ANKRD26: variants seen among roughly 807,000 people sequenced by gnomAD.
ANKRD26 encodes the protein ankyrin repeat domain-containing protein 26.
ANKRD26 carries 141 observed loss-of-function variants against 208.7 expected under a neutral mutation model. That is an observed-to-expected ratio of 0.68 (90% CI 0.59 to 0.78). ANKRD26 has a LOEUF of 0.78. ANKRD26 is among the 30% of genes least tolerant of loss of function. ANKRD26 has a pLI of 0.00. For synonymous variants in ANKRD26, 636 were observed against 660.4 expected, an observed-to-expected ratio of 0.96 and a Z score of 0.57; for missense variants, 1,889 against 1,938.7, an observed-to-expected ratio of 0.97 and a Z score of 0.48.
Position 27,084,218 on chromosome 10 carries a change from C to CAAAAAAAAAAAAAAAAAAAAA in ANKRD26, c.710-1386_710-1385insTTTTTTTTTTTTTTTTTTTTT, listed in dbSNP as rs1275450082. The stretch of plus-strand genomic sequence containing the variant: ...GGGCAACAAGAGCAAAACTACATCT[C>CAAAAAAAAAAAAAAAAAAAAA]AAAAAAAAAAAAAAAAAGAAAAAAG... On this transcript the variant is annotated intron_variant, in intron 5 of 33. Transcript: ENST00000376087. Among the ~76,000 whole-genome samples, 2 of 82,454 alleles carry CAAAAAAAAAAAAAAAAAAAAA rather than the reference C, an allele frequency of 2.4e-5. 1 individual carries two copies. The highest frequency in any genetic ancestry group is 7.3e-5 in the African/African-American group (2 of 27,350). 54.1% of individuals were successfully genotyped at this position (82,454 alleles called of 152,430 possible).
intron 4 of ANKRD26, among the ~76,000 whole-genome samples, chr10:27,090,217 G>A (rs1266088947): frequency 2.6e-5 from 4 of 152,006 alleles, no homozygotes; most frequent in Non-Finnish European, 5.9e-5. Flanking sequence ...AGGCCAAAGC[G>A]GGTGGATCAC....
At chr10:27,000,826 A>G (rs1256683115), downstream of ANKRD26, among the ~76,000 whole-genome samples, 1 of 152,058 alleles carries the variant, frequency 6.6e-6, no homozygotes, top group Non-Finnish European at 1.5e-5. Flanking sequence ...TAATGTGATG[A>G]AACCTCGTTT....
the ANKRD26 span, among the ~76,000 whole-genome samples, chr10:26,954,624 G>T: frequency 6.6e-6 from 1 of 151,918 alleles, no homozygotes; most frequent in South Asian, 2.1e-4. Context: ...CAATAAATCT[G>T]TATCCAGAAA....
intron 31 of ANKRD26, 46 bp from the exon 32 acceptor site, chr10:27,013,156 T>A: frequency 2.6e-6 from 4 of 1,537,382 alleles, no homozygotes; most frequent in Non-Finnish European, 3.6e-6. Context: ...TACTTTTCCC[T>A]AAATGATTCC....
chr10:27,014,828 T>C, intron 30 of ANKRD26, 117 bp from the exon 31 acceptor site: 1 of 784,628 alleles, frequency 1.3e-6, no homozygotes, highest in East Asian at 2.7e-5. Flanking sequence ...AAGAGAAAGA[T>C]CTCTGTGCCA....
Position 27,039,960 on chromosome 10 carries a change from C to T in ANKRD26, c.2375+5G>A. ...AAACATTTCTTTAAAACTAGGCTAT[C>T]ATACCTCAAAGAGCACAGTTCTCGT... On this transcript the variant is annotated splice_donor_5th_base_variant and intron_variant, in intron 21 of 33. Coordinates refer to ENST00000376087, the MANE Select transcript of ANKRD26 (RefSeq NM_014915.3). The T allele has an allele frequency of 6.2e-7, 1 of 1,611,360 alleles. No individual in the cohort carries two copies. Among genetic ancestry groups the T allele is most frequent in the South Asian group, 1.1e-5 (1 of 90,990 alleles).
intron 7 of ANKRD26, among the ~76,000 whole-genome samples, chr10:27,078,601 A>G (rs1364798424): frequency 6.6e-6 from 1 of 152,180 alleles, no homozygotes; most frequent in Non-Finnish European, 1.5e-5. Flanking sequence ...ATTTACAACC[A>G]GTTTTTTAAA....
At chr10:26,984,162 T>C (rs191559337) in intron 3 of ANKRD26, among the ~76,000 whole-genome samples, 1 of 152,312 alleles carries the variant, frequency 6.6e-6, no homozygotes, top group African/African-American at 2.4e-5. Context: ...ATAAACCAGG[T>C]GCTGGGTTCT....
chr10:26,967,559 A>G, the ANKRD26 span, among the ~76,000 whole-genome samples: 4 of 152,154 alleles, frequency 2.6e-5, no homozygotes, highest in African/African-American at 9.7e-5. Flanking sequence ...TCTCTCCTAC[A>G]TTCCAAAAAC....
chr10:27,077,463 C>G lies in ANKRD26; in HGVS notation c.952G>C (p.Val318Leu). The G allele has an allele frequency of 6.2e-7, 1 of 1,614,110 alleles. No homozygotes were observed. The highest frequency in any genetic ancestry group is 1.1e-5 in the South Asian group (1 of 91,086). Residue 318 changes from valine to leucine, a missense_variant, in exon 9 of 34, where the codon GTT becomes CTT. This residue lies in a region of ANKRD26 where 1,272 missense variants were observed against 1,273.8 expected (regional missense o/e 1.00). Coordinates refer to ENST00000376087, the MANE Select transcript of ANKRD26 (RefSeq NM_014915.3). ...GTTGTAGGAAGGCTTTCAACCACAA[C>G]TTCATCTTGACTATCGGAATCTCTA... is the stretch of plus-strand genomic sequence containing the variant. ...EDRDSDSQDEVVVESLPTTSI... is the reference protein window; with the variant it reads ...EDRDSDSQDELVVESLPTTSI...
chr10:27,040,123 T>C lies in ANKRD26; in HGVS notation c.2217A>G (p.Leu739=). The change falls in exon 21 of 34, where the codon TTA becomes TTG. Residue 739 remains leucine, a synonymous_variant. Coordinates refer to ENST00000376087, the MANE Select transcript of ANKRD26 (RefSeq NM_014915.3). ...QDAALSCERL[L]ELKKNHCELL... The stretch of plus-strand genomic sequence containing the variant: ...GTTCACAGTGATTTTTTTTAAGTTC[T>C]AATAATCTTTCACATGAAAGAGCTG... The C allele has an allele frequency of 6.2e-7, 1 of 1,613,122 alleles. No homozygotes were observed. The highest frequency in any genetic ancestry group is 1.3e-5 in the African/African-American group (1 of 75,016).
At chr10:26,995,495 A>C (rs1223637258) in intron 4 of ANKRD26, among the ~76,000 whole-genome samples, 1 of 152,226 alleles carries the variant, frequency 6.6e-6, no homozygotes, top group Non-Finnish European at 1.5e-5. Context: ...TGCTAAAAAA[A>C]GGAAGGCAGA....
chr10:27,012,564 C>G (rs2053150808), intron 32 of ANKRD26, among the ~76,000 whole-genome samples: 1 of 152,070 alleles, frequency 6.6e-6, no homozygotes, highest in Non-Finnish European at 1.5e-5. Context: ...CCTGTAACCC[C>G]AGCACTTCGG....
chr10:27,025,990 T>A (rs1156249501), intron 27 of ANKRD26, among the ~76,000 whole-genome samples: 1 of 152,256 alleles, frequency 6.6e-6, no homozygotes, highest in African/African-American at 2.4e-5. Context: ...TCATCTTGTG[T>A]GGGCACACTC....
chr10:26,984,807 G>C (rs2052359205), intron 3 of ANKRD26, among the ~76,000 whole-genome samples: 2 of 152,146 alleles, frequency 1.3e-5, no homozygotes, highest in Admixed American at 1.3e-4. Context: ...AGGAGTTCTA[G>C]GCCAGGACAG....
chr10:26,950,535 C>G, the ANKRD26 span, among the ~76,000 whole-genome samples: 1 of 152,266 alleles, frequency 6.6e-6, no homozygotes, highest in African/African-American at 2.4e-5. Context: ...TTGGTGCTGT[C>G]CCACTGATAA....
intron 4 of ANKRD26, among the ~76,000 whole-genome samples, chr10:27,091,746 T>A (rs2056306805): frequency 6.6e-6 from 1 of 152,178 alleles, no homozygotes; most frequent in Admixed American, 6.5e-5. Flanking sequence ...CCCAGTACTT[T>A]GGAAGGCCAA....
intron 29 of ANKRD26, among the ~76,000 whole-genome samples, chr10:27,018,442 C>A (rs1374650566): frequency 6.6e-6 from 1 of 151,978 alleles, no homozygotes; most frequent in African/African-American, 2.4e-5. Flanking sequence ...CCCCAACATG[C>A]CCTATAATTT....
chr10:27,090,283 T>TA (rs1331798263), intron 4 of ANKRD26, among the ~76,000 whole-genome samples: 13 of 152,020 alleles, frequency 8.6e-5, no homozygotes, highest in Admixed American at 5.2e-4. Context: ...CCATCTCTAC[T>TA]AAAAATACAA....
Sources: allele counts gnomAD v4.1 joint callset (sites outside exome capture counted in the v4.1 genomes callset), GRCh38; gene constraint gnomAD v4.1.1; regional missense constraint gnomAD v4.1.1; transcripts MANE v1.5; gene names NCBI Gene and HGNC (gene_info 2026-07-23, HGNC 2026-07-21).